The following SPIB variants were observed in gnomAD, a reference collection of about 807,000 sequenced individuals.
SPIB encodes transcription factor Spi-B.
A neutral mutation model predicts 31.9 loss-of-function variants in SPIB; 7 were observed. The observed-to-expected ratio is 0.22, with a 90% CI of 0.12 to 0.41. The LOEUF is 0.41. Among genes scored for constraint, SPIB ranks in the 10% least tolerant of loss-of-function variants. The probability of loss-of-function intolerance (pLI) is 1.00; values close to 1 mark genes in which losing one functional copy is unlikely to be tolerated. For synonymous variants in SPIB, 176 were observed against 158.9 expected, an observed-to-expected ratio of 1.11 and a Z score of -0.81; for missense variants, 327 against 360.2, an observed-to-expected ratio of 0.91 and a Z score of 0.75.
At chr19:50,426,529 T>C (rs1417580553) in intron 5 of SPIB, among the ~76,000 whole-genome samples, 1 of 152,134 alleles carries the variant, frequency 6.6e-6, no homozygotes, top group Non-Finnish European at 1.5e-5. Context: ...AGTTTCGCTC[T>C]TGTTGCCCAG....
chr19:50,422,241 C>T (rs1230662314), intron 2 of SPIB, among the ~76,000 whole-genome samples: 1 of 152,210 alleles, frequency 6.6e-6, no homozygotes, highest in South Asian at 2.1e-4. Context: ...ACCGTCTTAG[C>T]AGGAGCTGGC....
chr19:50,428,107 G>C lies in SPIB; in HGVS notation c.560G>C (p.Cys187Ser). 6.3e-7 allele frequency: 1 copy of C among 1,584,282 alleles called. No homozygotes were observed. Among genetic ancestry groups the C allele is most frequent in the Non-Finnish European group, 8.6e-7 (1 of 1,164,690 alleles). The part of the protein sequence containing the change: ...GLLTRGDMRE[C>S]VWWVEPGAGV... ...CTGACGCGCGGGGACATGCGTGAGT[G>C]CGTGTGGTGGGTGGAGCCAGGCGCC... The change falls in exon 6 of 6, where the codon TGC becomes TCC. Residue 187 changes from cysteine (C) to serine (S), a missense_variant. Cys to Ser is a moderately radical substitution (Grantham distance 112). Transcript: ENST00000595883. The surrounding 1 kb of genome is among the most constrained non-coding windows in gnomAD (Gnocchi z 6.5).
chr19:50,422,446 C>T lies in SPIB; in HGVS notation c.52-27C>T, dbSNP rs377688471. 114 of 1,610,368 alleles carry T rather than the reference C, an allele frequency of 7.1e-5. No individual in the cohort carries two copies. The African/African-American group carries it at 1.3e-3, about 18-fold the overall frequency. On this transcript the variant is annotated intron_variant, in intron 2 of 5. Coordinates refer to ENST00000595883, the MANE Select transcript of SPIB (RefSeq NM_003121.5). The stretch of plus-strand genomic sequence containing the variant: ...GGAGTCCCCAAGGCCTGGGATGACC[C>T]CTCTTCCCTCCTGCACCCCGTATCA...
intron 5 of SPIB, among the ~76,000 whole-genome samples, chr19:50,426,886 T>C (rs149229136): frequency 0.061 from 9,203 of 151,874 alleles, 373 homozygotes; most frequent in Middle Eastern, 0.099. Context: ...TCCCAGCATT[T>C]TGGGAGGCCG....
chr19:50,423,800 G>GT (rs764715913), intron 5 of SPIB, 45 bp downstream of exon 5: 66 of 1,565,740 alleles, frequency 4.2e-5, no homozygotes, highest in Non-Finnish European at 5.4e-5. Context: ...GCTGGAGATG[G>GT]TGGGGGGGCT....
intron 4 of SPIB, 182 bp downstream of exon 4, chr19:50,423,219 A>AAAAG: frequency 2.2e-6 from 1 of 462,864 alleles, no homozygotes; most frequent in African/African-American, 2.0e-5. Context: ...AAAAAAAAAA[A>AAAAG]AAAGAAAAAG....
chr19:50,423,435 T>A lies in SPIB; in HGVS notation c.340-170T>A, dbSNP rs560648137. ...CTGTGTTGGGCCGGCTTTGAGGAGG[T>A]ACCTCAGGTGTCCCCTGGCCACAGC... On this transcript the variant is annotated intron_variant, in intron 4 of 5. Coordinates refer to ENST00000595883, the MANE Select transcript of SPIB (RefSeq NM_003121.5). 3.3e-5 allele frequency among the ~76,000 whole-genome samples: 5 copies of A among 152,036 alleles called. No individual in the cohort carries two copies. The South Asian group carries it at 1.0e-3, about 32-fold the overall frequency.
chr19:50,423,236 A>G (rs1173797123), intron 4 of SPIB, 199 bp downstream of exon 4: 5 of 457,530 alleles, frequency 1.1e-5, no homozygotes, highest in African/African-American at 6.0e-5. Flanking sequence ...AAAGAAAAGA[A>G]AACTCAAGCT....
rs1277263184 is a variant in SPIB, at chr19:50,423,715, G to A, written c.450G>A (p.Glu150=). ...AGGTCTCGGACAGCGAGTCGGATGA[G>A]GCCCTCGTGGCTGGCCCCGAGGGGA... ...ALEVSDSESD[E]ALVAGPEGKG... is the part of the protein sequence containing the mutation. The change falls in exon 5 of 6, where the codon GAG becomes GAA. Residue 150 remains glutamate, a synonymous_variant. Transcript: ENST00000595883. The A allele has an allele frequency of 1.1e-5, 17 of 1,612,962 alleles. No homozygotes were observed. The highest frequency in any genetic ancestry group is 1.4e-5 in the Non-Finnish European group (16 of 1,179,540).
intron 2 of SPIB, among the ~76,000 whole-genome samples, chr19:50,421,258 T>G (rs1158762874): frequency 6.6e-6 from 1 of 152,148 alleles, no homozygotes; most frequent in African/African-American, 2.4e-5. Flanking sequence ...CTTTAGTTTT[T>G]CCTAGACTCG....
At position 50,419,085 on chromosome 19, in the gene SPIB, G is replaced by A. The variant is rs547994702; in HGVS notation, c.23+100G>A. 917 of 1,442,536 alleles carry A rather than the reference G, an allele frequency of 6.4e-4. 14 individuals are homozygous for A. The South Asian group carries it at 0.01, about 16-fold the overall frequency. 89.4% of individuals were successfully genotyped at this position (1,442,536 alleles called of 1,614,324 possible). On this transcript the variant is annotated intron_variant, in intron 1 of 5. Coordinates refer to ENST00000595883, the MANE Select transcript of SPIB (RefSeq NM_003121.5). ...AGTGGTTTCTCTGCTCCTCACGGCC[G>A]GTGGGTGGGAGTGGAGGGGAGGGGT...
chr19:50,428,038 GGACTCGCAA>G lies in SPIB; in HGVS notation c.494_502del (p.Thr165_Lys167del). On this transcript the variant is annotated inframe_deletion and splice_region_variant, in exon 6 of 6. Coordinates refer to ENST00000595883, the MANE Select transcript of SPIB (RefSeq NM_003121.5). The surrounding 1 kb of genome is among the most constrained non-coding windows in gnomAD (Gnocchi z 6.5). ...ACGCGTGCCCCCGACCCCACCGCAG[GGACTCGCAA>G]GAAGCTGCGCCTGTACCAGTTCCTG... 1 of 1,516,404 alleles carries G rather than the reference GGACTCGCAA, an allele frequency of 6.6e-7. No homozygotes were observed. Among genetic ancestry groups the G allele is most frequent in the Non-Finnish European group, 8.9e-7 (1 of 1,125,558 alleles). 93.9% of individuals were successfully genotyped at this position (1,516,404 alleles called of 1,614,324 possible).
Position 50,428,489 on chromosome 19 carries a change from C to T in SPIB, c.*153C>T, listed in dbSNP as rs571119323. ...AAGGGGAGTGCTGCCCTGCCATAAT[C>T]CCCAAGCCCAGCCCGGGCCTGTCTG... On this transcript the variant is annotated 3_prime_UTR_variant, in exon 6 of 6. Coordinates refer to ENST00000595883, the MANE Select transcript of SPIB (RefSeq NM_003121.5). The surrounding 1 kb of genome is among the most constrained non-coding windows in gnomAD (Gnocchi z 6.5). 1.1e-6 allele frequency: 1 copy of T among 895,272 alleles called. No individual in the cohort carries two copies. The highest frequency in any genetic ancestry group is 2.8e-5 in the East Asian group (1 of 35,618). 55.5% of individuals were successfully genotyped at this position (895,272 alleles called of 1,614,324 possible).
At chr19:50,419,868 C>T (rs748960282) in intron 1 of SPIB, 78 bp from the exon 2 acceptor site, 9 of 1,447,642 alleles carry the variant, frequency 6.2e-6, no homozygotes, top group Non-Finnish European at 8.3e-6. Context: ...CTGCCGCCTC[C>T]CCATCAGCCC....
chr19:50,419,113 A>T (rs2244095), intron 1 of SPIB, 128 bp downstream of exon 1: 55 of 1,092,968 alleles, frequency 5.0e-5, no homozygotes, highest in Non-Finnish European at 6.7e-5. Flanking sequence ...GGAGGGGTCC[A>T]CCCTGTCTCT....
chr19:50,427,471 G>C (rs192144175), intron 5 of SPIB, among the ~76,000 whole-genome samples: 2 of 152,240 alleles, frequency 1.3e-5, no homozygotes, highest in Admixed American at 1.3e-4. Context: ...GCTGCAGTAA[G>C]CCGAGATTGC....
Position 50,419,037 on chromosome 19 carries a change from T to G in SPIB, c.23+52T>G, listed in dbSNP as rs949047702. On this transcript the variant is annotated intron_variant, in intron 1 of 5. Transcript: ENST00000595883. ...CCGGGGTCCCCACCTGCACTGCCCCTCTGTGGGGCCTCACCCATGGGCAGT... is the reference window on the plus strand; with the variant it reads ...CCGGGGTCCCCACCTGCACTGCCCCGCTGTGGGGCCTCACCCATGGGCAGT... 7 of 1,542,492 alleles carry G rather than the reference T, an allele frequency of 4.5e-6. No individual in the cohort carries two copies. In the African/African-American group the frequency reaches 9.6e-5, roughly 21 times the overall value.
In SPIB at chr19:50,428,001, A is replaced by T; in HGVS notation, c.491-37A>T. On this transcript the variant is annotated intron_variant, in intron 5 of 5. Transcript: ENST00000595883. The surrounding 1 kb of genome is among the most constrained non-coding windows in gnomAD (Gnocchi z 6.5). ...GGATGGGGAAGGCGGGGCCTTAGGGACCCCTCACCTAACGCGTGCCCCCGA... is the reference window on the plus strand; with the variant it reads ...GGATGGGGAAGGCGGGGCCTTAGGGTCCCCTCACCTAACGCGTGCCCCCGA... The T allele has an allele frequency of 1.4e-6, 2 of 1,457,500 alleles. No homozygotes were observed. Among genetic ancestry groups the T allele is most frequent in the Non-Finnish European group, 1.8e-6 (2 of 1,099,836 alleles). The allele number at this position is 1,457,500 out of a possible 1,614,324, so 90.3% of individuals were successfully genotyped here.
rs948704594 is a variant in SPIB, at chr19:50,429,812, G to C, written c.*1476G>C. ...AGGTCGAGAGATCGAGACCATCCTG[G>C]CCAACATGGTGAAACCCTGTCTCTA... On this transcript the variant is annotated 3_prime_UTR_variant, in exon 6 of 6. Coordinates refer to ENST00000595883, the MANE Select transcript of SPIB (RefSeq NM_003121.5). 1 of 152,200 alleles carries C rather than the reference G, an allele frequency of 6.6e-6. No individual in the cohort carries two copies. The highest frequency in any genetic ancestry group is 1.5e-5 in the Non-Finnish European group (1 of 68,074). The allele number at this position is 152,200 out of a possible 1,614,324, so 9.4% of individuals were successfully genotyped here. A position where few individuals can be genotyped will look rare whatever the true frequency, so the allele number is the denominator to read the frequency against.
Sources: gnomAD v4.1 joint callset for allele counts (sites outside exome capture counted in the v4.1 genomes callset) on GRCh38, gnomAD v4.1.1 for gene constraint, Gnocchi (gnomAD v3.1) non-coding constraint, MANE v1.5 for transcripts, NCBI Gene and HGNC (gene_info 2026-07-23, HGNC 2026-07-21) for gene names.